PGM2: variants seen among roughly 807,000 people sequenced by gnomAD.
PGM2 encodes phosphopentomutase.
PGM2 carries 57 observed loss-of-function variants against 74.6 expected under a neutral mutation model. The observed-to-expected ratio is 0.76, with a 90% CI of 0.62 to 0.95. PGM2 has a LOEUF of 0.95. Ranked by LOEUF, PGM2 falls within the 40% of genes least tolerant of loss-of-function variation. PGM2 has a pLI of 0.00. For missense variants in PGM2, 706 were observed against 741.9 expected (o/e 0.95, Z 0.56); for synonymous variants, 273 against 260.7 (o/e 1.05, Z -0.46).
rs115160665 is a variant in PGM2, at chr4:37,846,076, T to C, written c.1007+346T>C. Among the ~76,000 whole-genome samples the C allele has an allele frequency of 8.1e-3, 1,241 of 152,316 alleles. 17 individuals carry two copies. Among genetic ancestry groups the C allele is most frequent in the African/African-American group, 0.028 (1,161 of 41,566 alleles). On this transcript the variant is annotated intron_variant, in intron 8 of 13. Coordinates refer to ENST00000381967, the MANE Select transcript of PGM2 (RefSeq NM_018290.4). ...AGCACTTTGGTGCTAGCTGTATGCTTCAGTATTTGCTGAGGGGTTTAGGAG... is the reference window on the plus strand; with the variant it reads ...AGCACTTTGGTGCTAGCTGTATGCTCCAGTATTTGCTGAGGGGTTTAGGAG...
Position 37,834,741 on chromosome 4 carries a change from AC to A in PGM2, c.356+18del. The A allele has an allele frequency of 8.5e-7, 1 of 1,174,858 alleles. No individual in the cohort carries two copies. The highest frequency in any genetic ancestry group is 1.2e-6 in the Non-Finnish European group (1 of 802,700). The allele number at this position is 1,174,858 out of a possible 1,614,324, so 72.8% of individuals were successfully genotyped here. On this transcript the variant is annotated intron_variant, in intron 3 of 13. Transcript: ENST00000381967. ...CAGCAGAAGGTATTTAAACATTTTT[AC>A]AAAATGATGTTTTTATAATTTATTT...
intron 10 of PGM2, among the ~76,000 whole-genome samples, chr4:37,848,091 G>C: frequency 6.6e-6 from 1 of 152,180 alleles, no homozygotes; most frequent in East Asian, 1.9e-4. Context: ...GACTCTAAAA[G>C]AAATGGATGG....
chr4:37,828,650 T>G (rs1271240690), intron 1 of PGM2, among the ~76,000 whole-genome samples: 1 of 152,192 alleles, frequency 6.6e-6, no homozygotes, highest in Non-Finnish European at 1.5e-5. Flanking sequence ...TCTCCTTTGT[T>G]TCTCTCAGGC....
chr4:37,839,735 TTA>T lies in PGM2; in HGVS notation c.442-111_442-110del, dbSNP rs1233167448. ...TCAAAAATATTATGCTATTTATATA[TTA>T]TGTTTATTAAAAGGGAGCAAGTTGG... On this transcript the variant is annotated intron_variant, in intron 4 of 13. Transcript: ENST00000381967. 5 of 702,016 alleles carry T rather than the reference TTA, an allele frequency of 7.1e-6. No individual in the cohort carries two copies. The African/African-American group carries it at 8.9e-5, about 12-fold the overall frequency. 43.5% of individuals were successfully genotyped at this position (702,016 alleles called of 1,614,324 possible). A position where few individuals can be genotyped will look rare whatever the true frequency, so the allele number is the denominator to read the frequency against.
At chr4:37,830,525 A>G (rs1249329150) in intron 2 of PGM2, among the ~76,000 whole-genome samples, 1 of 152,216 alleles carries the variant, frequency 6.6e-6, no homozygotes. Context: ...AGCTTTTCTA[A>G]CTGCCGGAGT....
intron 12 of PGM2, among the ~76,000 whole-genome samples, chr4:37,851,878 C>T (rs1726048790): frequency 6.6e-6 from 1 of 152,070 alleles, no homozygotes; most frequent in African/African-American, 2.4e-5. Flanking sequence ...CTAGTAACTG[C>T]TGTTGCCTGC....
intron 12 of PGM2, among the ~76,000 whole-genome samples, chr4:37,851,961 G>GTTTTCTTT (rs1430228977): frequency 7.4e-6 from 1 of 135,338 alleles, no homozygotes; most frequent in Non-Finnish European, 1.6e-5. Context: ...CCTTTTGTTT[G>GTTTTCTTT]TTTGTTTTCT....
chr4:37,842,165 A>G (rs1725747183), intron 6 of PGM2, among the ~76,000 whole-genome samples: 1 of 148,652 alleles, frequency 6.7e-6, no homozygotes, highest in African/African-American at 2.5e-5. Context: ...ATATATATAC[A>G]TATATACATA....
At chr4:37,827,525 T>A (rs1047361664) in intron 1 of PGM2, among the ~76,000 whole-genome samples, 1 of 152,122 alleles carries the variant, frequency 6.6e-6, no homozygotes, top group African/African-American at 2.4e-5. Flanking sequence ...TGTCCCTCGC[T>A]GCTCTCCTGC....
intron 11 of PGM2, among the ~76,000 whole-genome samples, chr4:37,849,324 G>A (rs572045206): frequency 6.3e-4 from 95 of 151,686 alleles, no homozygotes; most frequent in African/African-American, 1.8e-3. Context: ...ACAGAAATGC[G>A]TGTGACCTGG....
At chr4:37,836,256 GT>G (rs1322931481) in intron 3 of PGM2, among the ~76,000 whole-genome samples, 1 of 152,208 alleles carries the variant, frequency 6.6e-6, no homozygotes, top group African/African-American at 2.4e-5. Context: ...AAGTCTCAGA[GT>G]TTGATGGGAT....
Position 37,847,625 on chromosome 4 carries a change from G to A in PGM2, c.1282+330G>A, listed in dbSNP as rs567798601. On this transcript the variant is annotated intron_variant, in intron 10 of 13. Transcript: ENST00000381967. Reference sequence around the variant, plus strand: ...TTAATATCCAGGCCTAAACACTGTGGTATTTAATGTCCCTCCTCCTCCAAA... The same window carrying A: ...TTAATATCCAGGCCTAAACACTGTGATATTTAATGTCCCTCCTCCTCCAAA... 104 of 296,630 alleles carry A rather than the reference G, an allele frequency of 3.5e-4. 1 individual carries two copies. Among genetic ancestry groups the A allele is most frequent in the African/African-American group, 2.2e-3 (102 of 45,686 alleles). 18.4% of individuals were successfully genotyped at this position (296,630 alleles called of 1,614,324 possible).
chr4:37,833,339 T>C (rs922352981), intron 2 of PGM2, among the ~76,000 whole-genome samples: 3 of 152,202 alleles, frequency 2.0e-5, no homozygotes, highest in African/African-American at 7.2e-5. Context: ...GAGGATTGCT[T>C]GAGCCCACAA....
intron 12 of PGM2, among the ~76,000 whole-genome samples, chr4:37,852,066 T>C (rs6825810): frequency 0.81 from 116,168 of 143,842 alleles, 47,295 homozygotes; most frequent in African/African-American, 0.9. Flanking sequence ...ACCTCCCAGG[T>C]TCAAGTGATC....
At chr4:37,845,544 T>G in intron 7 of PGM2, 89 bp from the exon 8 acceptor site, 1 of 880,832 alleles carries the variant, frequency 1.1e-6, no homozygotes, top group Non-Finnish European at 1.9e-6. Context: ...GAAAGACCTC[T>G]TGAGTTCTTA....
chr4:37,841,316 C>T (rs1007999330), intron 6 of PGM2, among the ~76,000 whole-genome samples: 3 of 151,928 alleles, frequency 2.0e-5, no homozygotes, highest in Admixed American at 2.0e-4. Context: ...GACACAGACT[C>T]AGTCCTTACC....
chr4:37,854,396 G>C (rs1290030155), intron 12 of PGM2, among the ~76,000 whole-genome samples: 1 of 151,002 alleles, frequency 6.6e-6, no homozygotes, highest in Admixed American at 6.6e-5. Flanking sequence ...TGTTACCCAG[G>C]CTGGAGTGCA....
rs1711820778 is a variant in PGM2, at chr4:37,862,727, C to T, written c.*1115C>T. 1 of 151,976 alleles carries T rather than the reference C, an allele frequency of 6.6e-6. No homozygotes were observed. Among genetic ancestry groups the T allele is most frequent in the Non-Finnish European group, 1.5e-5 (1 of 68,002 alleles). 9.4% of individuals were successfully genotyped at this position (151,976 alleles called of 1,614,324 possible). Reference sequence around the variant, plus strand: ...CAACCTAAATAGTTATGAACAGTTTCAGAACAATGAAAAATTACAATACTA... The same window carrying T: ...CAACCTAAATAGTTATGAACAGTTTTAGAACAATGAAAAATTACAATACTA... On this transcript the variant is annotated 3_prime_UTR_variant, in exon 14 of 14. Coordinates refer to ENST00000381967, the MANE Select transcript of PGM2 (RefSeq NM_018290.4).
intron 12 of PGM2, among the ~76,000 whole-genome samples, chr4:37,853,604 A>G (rs989099388): frequency 1.3e-5 from 2 of 152,094 alleles, no homozygotes; most frequent in African/African-American, 4.8e-5. Context: ...CTGTGTACAT[A>G]TGCAGATCAA....
Sources: allele counts gnomAD v4.1 joint callset (sites outside exome capture counted in the v4.1 genomes callset), GRCh38; gene constraint gnomAD v4.1.1; transcripts MANE v1.5; gene names NCBI Gene and HGNC (gene_info 2026-07-23, HGNC 2026-07-21).